The following TAFA1 variants were observed in gnomAD, a reference collection of about 807,000 sequenced individuals.
The protein encoded by TAFA1 is chemokine-like protein TAFA-1.
A neutral mutation model predicts 18.5 loss-of-function variants in TAFA1; 4 were observed. The observed-to-expected ratio is 0.22, with a 90% CI of 0.11 to 0.49. The LOEUF is 0.49. Ranked by LOEUF, TAFA1 falls within the 20% of genes least tolerant of loss-of-function variation. TAFA1 has a pLI of 0.98. For synonymous variants in TAFA1, 56 were observed against 55.2 expected (o/e 1.01, Z -0.06); for missense variants, 147 against 169.0 (o/e 0.87, Z 0.72).
At chr3:68,498,439 C>A (rs1208703454) in intron 3 of TAFA1, among the ~76,000 whole-genome samples, 1 of 152,050 alleles carries the variant, frequency 6.6e-6, no homozygotes, top group Non-Finnish European at 1.5e-5. Flanking sequence ...AGAACAATGC[C>A]ACAGCTGTGC....
chr3:68,228,265 A>T (rs1296203023), intron 2 of TAFA1, among the ~76,000 whole-genome samples: 2 of 152,052 alleles, frequency 1.3e-5, no homozygotes, highest in Non-Finnish European at 2.9e-5. Context: ...TGTTTTAGAG[A>T]TGGGGTCTGG....
At chr3:68,361,319 G>A (rs974182847) in intron 2 of TAFA1, among the ~76,000 whole-genome samples, 6 of 152,028 alleles carry the variant, frequency 3.9e-5, no homozygotes, top group Non-Finnish European at 8.8e-5. Context: ...ACAATAGAAT[G>A]ATAGATATCA....
At chr3:68,334,529 C>G (rs2068937985) in intron 2 of TAFA1, among the ~76,000 whole-genome samples, 1 of 152,160 alleles carries the variant, frequency 6.6e-6, no homozygotes. Flanking sequence ...GTGTCTCAAT[C>G]TTAATACAAA....
chr3:68,018,113 A>G (rs551734939), intron 2 of TAFA1, among the ~76,000 whole-genome samples: 18 of 152,206 alleles, frequency 1.2e-4, no homozygotes, highest in Non-Finnish European at 5.9e-5. Flanking sequence ...TATCATTCCA[A>G]TTAAAGGGAA....
chr3:68,405,431 T>C (rs1002134947), intron 2 of TAFA1, among the ~76,000 whole-genome samples: 6 of 151,542 alleles, frequency 4.0e-5, no homozygotes, highest in African/African-American at 1.2e-4. Flanking sequence ...GAGGATCACA[T>C]GAGAATGGGA....
intron 2 of TAFA1, among the ~76,000 whole-genome samples, chr3:68,041,055 A>C (rs1705153738): frequency 6.6e-6 from 1 of 152,216 alleles, no homozygotes; most frequent in African/African-American, 2.4e-5. Flanking sequence ...CAAACATCAA[A>C]GATTATTGCA....
At chr3:68,490,824 ATT>A (rs1386341539) in intron 3 of TAFA1, among the ~76,000 whole-genome samples, 3 of 146,460 alleles carry the variant, frequency 2.0e-5, no homozygotes, top group Non-Finnish European at 3.0e-5. Context: ...ATCCTCTACA[ATT>A]TTTTCTTTTT....
intron 3 of TAFA1, among the ~76,000 whole-genome samples, chr3:68,456,214 T>C (rs764969174): frequency 1.3e-5 from 2 of 152,188 alleles, no homozygotes; most frequent in Admixed American, 6.5e-5. Context: ...ATCTTTTCCC[T>C]TCAAGACTCA....
chr3:68,072,705 T>A (rs1367620470), intron 2 of TAFA1, among the ~76,000 whole-genome samples: 2 of 151,430 alleles, frequency 1.3e-5, no homozygotes, highest in East Asian at 1.9e-4. Context: ...CAGAATGGAG[T>A]TTTTACAGAT....
intron 3 of TAFA1, among the ~76,000 whole-genome samples, chr3:68,436,967 A>G (rs1319221158): frequency 2.6e-5 from 4 of 152,196 alleles, no homozygotes; most frequent in African/African-American, 7.2e-5. Flanking sequence ...CTTTTTATTT[A>G]TAAATATTTT....
intron 2 of TAFA1, among the ~76,000 whole-genome samples, chr3:68,185,472 G>A (rs1467106266): frequency 2.0e-5 from 3 of 152,088 alleles, no homozygotes; most frequent in Non-Finnish European, 2.9e-5. Flanking sequence ...CTCCACCAGA[G>A]TACAGCTTGT....
At chr3:68,057,894 G>C (rs1303823658) in intron 2 of TAFA1, among the ~76,000 whole-genome samples, 1 of 152,164 alleles carries the variant, frequency 6.6e-6, no homozygotes, top group Admixed American at 6.6e-5. Flanking sequence ...GCAAACAATG[G>C]ATTCTCCCCT....
At chr3:68,109,502 C>A (rs1050013211) in intron 2 of TAFA1, among the ~76,000 whole-genome samples, 2 of 152,014 alleles carry the variant, frequency 1.3e-5, no homozygotes, top group African/African-American at 4.8e-5. Flanking sequence ...ATCAAAGTGG[C>A]AAATGCTATG....
chr3:68,373,647 C>T (rs2069755486), intron 2 of TAFA1, among the ~76,000 whole-genome samples: 1 of 152,184 alleles, frequency 6.6e-6, no homozygotes, highest in African/African-American at 2.4e-5. Flanking sequence ...CAGACACCAG[C>T]ACGCTCTACA....
chr3:68,173,909 A>AG (rs199791434), intron 2 of TAFA1, among the ~76,000 whole-genome samples: 1 of 151,682 alleles, frequency 6.6e-6, no homozygotes, highest in Non-Finnish European at 1.5e-5. Flanking sequence ...TAATTAAAAA[A>AG]ATATATATTT....
intron 3 of TAFA1, among the ~76,000 whole-genome samples, chr3:68,536,160 A>G (rs1054389273): frequency 6.6e-6 from 1 of 152,200 alleles, no homozygotes; most frequent in Non-Finnish European, 1.5e-5. Context: ...AGATTGAGGA[A>G]CACTGAATTC....
chr3:68,200,409 A>T (rs904995810), intron 2 of TAFA1, among the ~76,000 whole-genome samples: 1 of 151,628 alleles, frequency 6.6e-6, no homozygotes, highest in African/African-American at 2.4e-5. Flanking sequence ...AAGAATTGAT[A>T]TAACTTCTTC....
intron 2 of TAFA1, among the ~76,000 whole-genome samples, chr3:68,044,555 T>G (rs1276921708): frequency 6.6e-6 from 1 of 152,212 alleles, no homozygotes; most frequent in Admixed American, 6.5e-5. Context: ...GCCTGGGTTC[T>G]CCCATGGTTT....
intron 3 of TAFA1, among the ~76,000 whole-genome samples, chr3:68,421,063 G>C (rs572026602): frequency 2.0e-4 from 30 of 152,226 alleles, no homozygotes; most frequent in African/African-American, 7.2e-4. Context: ...TCTAGAAATA[G>C]AATTGCCTTT....
Sources: gnomAD v4.1 joint callset for allele counts (sites outside exome capture counted in the v4.1 genomes callset) on GRCh38, gnomAD v4.1.1 for gene constraint, MANE v1.5 for transcripts, NCBI Gene and HGNC (gene_info 2026-07-23, HGNC 2026-07-21) for gene names.